Variants in PRKN observed in about 807,000 individuals in gnomAD.
PRKN encodes E3 ubiquitin-protein ligase parkin.
Under a neutral mutation model 59.5 loss-of-function variants are expected in PRKN, and 56 were observed. The ratio of observed to expected loss-of-function variants is 0.94; its 90% confidence interval spans 0.76 to 1.18. The LOEUF (loss-of-function observed/expected upper bound fraction) is 1.18, where lower values mean the gene tolerates loss of function less well. Ranked by LOEUF, PRKN falls within the 50% of genes most tolerant of loss-of-function variation. The pLI, the probability that PRKN is intolerant of heterozygous loss-of-function variation, is 0.00. For missense variants in PRKN, 657 were observed against 596.4 expected (o/e 1.10, Z -1.06); for synonymous variants, 250 against 222.1 (o/e 1.13, Z -1.12).
intron 1 of PRKN, among the ~76,000 whole-genome samples, chr6:162,625,541 A>T (rs1782848418): frequency 6.6e-6 from 1 of 152,090 alleles, no homozygotes; most frequent in Non-Finnish European, 1.5e-5. Flanking sequence ...CTTTCTCATT[A>T]AGACTTAACC....
intron 1 of PRKN, among the ~76,000 whole-genome samples, chr6:162,633,685 A>G (rs1777602820): frequency 6.6e-6 from 1 of 152,032 alleles, no homozygotes; most frequent in Admixed American, 6.6e-5. Context: ...TGGTGTCCCC[A>G]GAACAGTCTC....
chr6:162,685,635 A>C (rs1195688315), intron 1 of PRKN, among the ~76,000 whole-genome samples: 1 of 152,194 alleles, frequency 6.6e-6, no homozygotes, highest in Non-Finnish European at 1.5e-5. Flanking sequence ...AAGAAAAGCC[A>C]AGGAAATCCA....
At chr6:161,880,548 C>T (rs575828432) in intron 6 of PRKN, among the ~76,000 whole-genome samples, 30 of 152,252 alleles carry the variant, frequency 2.0e-4, no homozygotes, top group African/African-American at 6.5e-4. Flanking sequence ...TACATGTCCC[C>T]GGAAAGACAG....
intron 7 of PRKN, among the ~76,000 whole-genome samples, chr6:161,775,890 G>A (rs1037603770): frequency 6.6e-6 from 1 of 152,168 alleles, no homozygotes; most frequent in African/African-American, 2.4e-5. Context: ...ACTATAGTTG[G>A]TGAGCTGAGA....
At chr6:162,174,867 T>G (rs181554628) in intron 4 of PRKN, among the ~76,000 whole-genome samples, 1 of 152,330 alleles carries the variant, frequency 6.6e-6, no homozygotes, top group Non-Finnish European at 1.5e-5. Context: ...CACTTGAAGT[T>G]AAATCAAAGG....
intron 9 of PRKN, among the ~76,000 whole-genome samples, chr6:161,481,008 G>A (rs917328287): frequency 1.1e-4 from 16 of 152,320 alleles, no homozygotes; most frequent in South Asian, 4.1e-4. Context: ...CACGAGACGC[G>A]GGCTCCAGGC....
intron 4 of PRKN, among the ~76,000 whole-genome samples, chr6:162,143,920 A>C (rs190128894): frequency 6.6e-6 from 1 of 152,286 alleles, no homozygotes; most frequent in East Asian, 1.9e-4. Context: ...TCTGAATCAA[A>C]CTGTTATTAG....
At chr6:162,026,366 C>T (rs1179132772) in intron 5 of PRKN, among the ~76,000 whole-genome samples, 3 of 152,212 alleles carry the variant, frequency 2.0e-5, no homozygotes, top group Admixed American at 1.3e-4. Flanking sequence ...GATGAAGCCA[C>T]TCCAGCTCTA....
chr6:162,156,248 C>T (rs1562546931), intron 4 of PRKN, among the ~76,000 whole-genome samples: 1 of 152,148 alleles, frequency 6.6e-6, no homozygotes, highest in Non-Finnish European at 1.5e-5. Flanking sequence ...AGTAACATTA[C>T]TTGATGTGTT....
chr6:162,648,938 A>G (rs1332227440), intron 1 of PRKN, among the ~76,000 whole-genome samples: 1 of 152,138 alleles, frequency 6.6e-6, no homozygotes, highest in Non-Finnish European at 1.5e-5. Flanking sequence ...GTCCTCATCT[A>G]ATCAGTTGAA....
rs142503930 is a variant in PRKN at position 161,390,463 on chromosome 6, T to A, written c.1084-3586A>T. Among the ~76,000 whole-genome samples the A allele has an allele frequency of 3.1e-3, 476 of 152,326 alleles. 4 individuals carry two copies. Among genetic ancestry groups the A allele is most frequent in the African/African-American group, 0.011 (448 of 41,562 alleles). The stretch of plus-strand genomic sequence containing the variant: ...ATAGAAAACAAATACCATGTAAACA[T>A]CCATTTGGAACAAAGATGTGATTTA... On this transcript the variant is annotated intron_variant, in intron 9 of 11. Coordinates refer to ENST00000366898, the MANE Select transcript of PRKN (RefSeq NM_004562.3). This position sits in a 1 kb window ranked among gnomAD's most constrained non-coding sequence, Gnocchi z 7.0.
intron 9 of PRKN, among the ~76,000 whole-genome samples, chr6:161,520,659 T>C (rs1199892395): frequency 2.0e-5 from 3 of 152,210 alleles, no homozygotes; most frequent in Admixed American, 2.0e-4. Flanking sequence ...GTTTGAGTCC[T>C]GGGTCTTATT....
chr6:162,090,499 G>C (rs752200237), intron 4 of PRKN, among the ~76,000 whole-genome samples: 1 of 152,022 alleles, frequency 6.6e-6, no homozygotes, highest in Non-Finnish European at 1.5e-5. Context: ...CACTTGTTTT[G>C]CCTATATATA....
chr6:161,634,608 A>G (rs1275487034), intron 7 of PRKN, among the ~76,000 whole-genome samples: 1 of 152,136 alleles, frequency 6.6e-6, no homozygotes, highest in African/African-American at 2.4e-5. Flanking sequence ...GCTGGGGATC[A>G]CCTGGACACG....
intron 6 of PRKN, among the ~76,000 whole-genome samples, chr6:161,825,710 G>A (rs948886913): frequency 7.2e-5 from 11 of 152,096 alleles, no homozygotes; most frequent in East Asian, 1.9e-4. Flanking sequence ...GAAATGCGAG[G>A]GTGTCTGCTC....
In PRKN at chr6:161,414,529, A is replaced by C. The variant is rs1054642879; in HGVS notation, c.1084-27652T>G. Among the ~76,000 whole-genome samples, 1 of 152,216 alleles carries C rather than the reference A, an allele frequency of 6.6e-6. No individual in the cohort carries two copies. The highest frequency in any genetic ancestry group is 2.4e-5 in the African/African-American group (1 of 41,434). ...AGAGTGCTAAAATCTTATTTAGAGG[A>C]GTCGTGGTAGAATTATTTATTCACT... On this transcript the variant is annotated intron_variant, in intron 9 of 11. Coordinates refer to ENST00000366898, the MANE Select transcript of PRKN (RefSeq NM_004562.3). The surrounding 1 kb of genome is among the most constrained non-coding windows in gnomAD (Gnocchi z 5.3).
intron 2 of PRKN, among the ~76,000 whole-genome samples, chr6:162,412,988 G>A (rs1050262533): frequency 6.6e-6 from 1 of 152,140 alleles, no homozygotes; most frequent in Admixed American, 6.5e-5. Context: ...CTCTGGCAAT[G>A]TATTGTGATA....
intron 6 of PRKN, among the ~76,000 whole-genome samples, chr6:161,792,202 G>T (rs1388021812): frequency 6.6e-6 from 1 of 152,198 alleles, no homozygotes; most frequent in Admixed American, 6.5e-5. Flanking sequence ...GAAACTGTGA[G>T]AGGCAATGTT....
chr6:162,109,042 C>T (rs757980133), intron 4 of PRKN, among the ~76,000 whole-genome samples: 7 of 152,178 alleles, frequency 4.6e-5, no homozygotes, highest in Non-Finnish European at 8.8e-5. Flanking sequence ...TTTATACCCA[C>T]TTTTAATTTC....
Sources: gnomAD v4.1 joint callset for allele counts (sites outside exome capture counted in the v4.1 genomes callset) on GRCh38, gnomAD v4.1.1 for gene constraint, Gnocchi (gnomAD v3.1) non-coding constraint, MANE v1.5 for transcripts, NCBI Gene and HGNC (gene_info 2026-07-23, HGNC 2026-07-21) for gene names.